The following TMEM131L variants were observed in gnomAD, a reference collection of about 807,000 sequenced individuals.
The protein encoded by TMEM131L is transmembrane protein 131-like.
Under a neutral mutation model 192.2 loss-of-function variants are expected in TMEM131L, and 54 were observed. The ratio of observed to expected loss-of-function variants is 0.28; its 90% CI spans 0.23 to 0.35. The LOEUF (loss-of-function observed/expected upper bound fraction) is 0.35, where lower values mean the gene tolerates loss of function less well. Among genes scored for constraint, TMEM131L ranks in the 10% least tolerant of loss-of-function variants. TMEM131L has a pLI of 1.00. For synonymous variants in TMEM131L, 701 were observed against 704.9 expected (o/e 0.99, Z 0.09); for missense variants, 1,888 against 1,972.9 (o/e 0.96, Z 0.82).
chr4:153,596,443 C>A, intron 20 of TMEM131L, 58 bp downstream of exon 20: 1 of 1,589,456 alleles, frequency 6.3e-7, no homozygotes, highest in East Asian at 2.3e-5. Context: ...CTGTGTAAAT[C>A]TCTTTAGCTG....
chr4:153,585,014 A>G (rs1730604973), intron 12 of TMEM131L, 83 bp downstream of exon 12: 2 of 1,088,194 alleles, frequency 1.8e-6, no homozygotes, highest in Non-Finnish European at 2.8e-6. Flanking sequence ...AAATATAGTG[A>G]TATGATTTGT....
chr4:153,541,515 C>T (rs982403588), intron 3 of TMEM131L, among the ~76,000 whole-genome samples: 1 of 152,138 alleles, frequency 6.6e-6, no homozygotes, highest in Admixed American at 6.5e-5. Flanking sequence ...AGCTGAGGGG[C>T]GTTGCAAGCA....
At chr4:153,573,578 T>A (rs994537027) in intron 7 of TMEM131L, among the ~76,000 whole-genome samples, 7 of 152,218 alleles carry the variant, frequency 4.6e-5, no homozygotes, top group Admixed American at 4.6e-4. Flanking sequence ...AAAACCAAGG[T>A]GTTGCCCAAC....
intron 3 of TMEM131L, 43 bp from the exon 4 acceptor site, chr4:153,550,030 T>TTTTAA (rs1182486511): frequency 3.0e-5 from 30 of 995,554 alleles, no homozygotes; most frequent in Non-Finnish European, 4.0e-5. Flanking sequence ...AGCATTTAAA[T>TTTTAA]GTTAAAACTA....
intron 3 of TMEM131L, among the ~76,000 whole-genome samples, chr4:153,509,716 C>T (rs1734225479): frequency 6.6e-6 from 1 of 152,110 alleles, no homozygotes; most frequent in African/African-American, 2.4e-5. Flanking sequence ...GACTCTGTCT[C>T]CAAAAACTCC....
rs1233841825 is a variant in TMEM131L at position 153,635,403 on chromosome 4, C to G, written c.4418-29C>G. 5 of 1,608,606 alleles carry G rather than the reference C, an allele frequency of 3.1e-6. No homozygotes were observed. In the South Asian group the frequency reaches 4.4e-5, roughly 14 times the overall value. On this transcript the variant is annotated intron_variant, in intron 33 of 34. Coordinates refer to ENST00000409959, the MANE Select transcript of TMEM131L (RefSeq NM_001131007.2). ...TTCAGTTCTCAATGAAAATGTTTACCTATGATGATATTCTCCCATTCTTTG... is the reference window on the plus strand; with the variant it reads ...TTCAGTTCTCAATGAAAATGTTTACGTATGATGATATTCTCCCATTCTTTG...
intron 20 of TMEM131L, among the ~76,000 whole-genome samples, chr4:153,597,428 C>T (rs7655793): frequency 0.27 from 41,542 of 151,936 alleles, 6,050 homozygotes; most frequent in Non-Finnish European, 0.34. Flanking sequence ...AATTTACTTT[C>T]GGTGGTTTCT....
chr4:153,583,363 C>CT (rs1730488525), intron 10 of TMEM131L, 115 bp downstream of exon 10: 1 of 788,508 alleles, frequency 1.3e-6, no homozygotes, highest in Non-Finnish European at 2.2e-6. Flanking sequence ...TTCTTTTTTG[C>CT]TTTAATTTAA....
intron 25 of TMEM131L, among the ~76,000 whole-genome samples, chr4:153,608,808 C>G (rs1455375250): frequency 6.6e-6 from 1 of 152,226 alleles, no homozygotes; most frequent in Non-Finnish European, 1.5e-5. Context: ...GAGGAGATCA[C>G]TTGTGTCTTG....
At chr4:153,480,245 A>G (rs1440933975) in intron 3 of TMEM131L, among the ~76,000 whole-genome samples, 1 of 152,232 alleles carries the variant, frequency 6.6e-6, no homozygotes, top group African/African-American at 2.4e-5. Context: ...AGGCTGAGGC[A>G]GGAGAATGGC....
chr4:153,602,529 C>G lies in TMEM131L; in HGVS notation c.2454-13C>G. The G allele has an allele frequency of 6.2e-7, 1 of 1,612,590 alleles. No homozygotes were observed. Among genetic ancestry groups the G allele is most frequent in the South Asian group, 1.1e-5 (1 of 90,854 alleles). ...CAATTAAAAGTTCATAAAGATGACTCTTTTATTTTCAGGTTCACTCCAGAC... is the reference window on the plus strand; with the variant it reads ...CAATTAAAAGTTCATAAAGATGACTGTTTTATTTTCAGGTTCACTCCAGAC... On this transcript the variant is annotated splice_polypyrimidine_tract_variant and intron_variant, in intron 22 of 34. Transcript: ENST00000409959.
chr4:153,479,402 G>A (rs1257140310), intron 3 of TMEM131L, among the ~76,000 whole-genome samples: 3 of 152,242 alleles, frequency 2.0e-5, no homozygotes, highest in South Asian at 2.1e-4. Context: ...GAGAAAGATC[G>A]TTTTTGGGAA....
intron 3 of TMEM131L, among the ~76,000 whole-genome samples, chr4:153,511,276 A>G (rs12171465): frequency 8.5e-5 from 13 of 152,232 alleles, no homozygotes; most frequent in Non-Finnish European, 1.5e-4. Context: ...TGTGGTACAT[A>G]TACACCGTGG....
chr4:153,617,468 C>T (rs1733060505), intron 26 of TMEM131L, among the ~76,000 whole-genome samples: 1 of 152,166 alleles, frequency 6.6e-6, no homozygotes, highest in Non-Finnish European at 1.5e-5. Flanking sequence ...CTTTCATTCT[C>T]CTCTGTGCGG....
rs115859976 is a variant in TMEM131L at position 153,521,844 on chromosome 4, G to A, written c.240-28229G>A. Among the ~76,000 whole-genome samples the A allele has an allele frequency of 3.6e-3, 494 of 137,124 alleles. 2 individuals are homozygous for A. The highest frequency in any genetic ancestry group is 0.013 in the African/African-American group (465 of 36,446). The allele number at this position is 137,124 out of a possible 152,430, so 90.0% of individuals were successfully genotyped here. A position where few individuals can be genotyped will look rare whatever the true frequency, so the allele number is the denominator to read the frequency against. On this transcript the variant is annotated intron_variant, in intron 3 of 34. Transcript: ENST00000409959. ...AATGTCTTCAAGATTTATCCATGTT[G>A]TTGCATGTGTTTTCTGTGTTTTTTT...
At chr4:153,529,721 A>G (rs531811925) in intron 3 of TMEM131L, among the ~76,000 whole-genome samples, 4 of 152,334 alleles carry the variant, frequency 2.6e-5, no homozygotes, top group African/African-American at 7.2e-5. Context: ...AATCCTTGTG[A>G]TAGGAATGAT....
intron 3 of TMEM131L, among the ~76,000 whole-genome samples, chr4:153,479,863 T>C (rs2405712): frequency 0.064 from 9,769 of 152,280 alleles, 656 homozygotes; most frequent in East Asian, 0.23. Flanking sequence ...GTGAAACATT[T>C]CAGAGCCCCC....
rs185132560 is a variant in TMEM131L, at chr4:153,549,666, G to A, written c.240-407G>A. Among the ~76,000 whole-genome samples the A allele has an allele frequency of 1.1e-4, 17 of 152,244 alleles. No individual in the cohort carries two copies. In the East Asian group the frequency reaches 3.3e-3, roughly 29 times the overall value. ...GTAGCCTCACCAGCTATGCGACACT[G>A]TCCTTGCCTTGTTATAAGAAGTCTT... On this transcript the variant is annotated intron_variant, in intron 3 of 34. Coordinates refer to ENST00000409959, the MANE Select transcript of TMEM131L (RefSeq NM_001131007.2).
intron 7 of TMEM131L, among the ~76,000 whole-genome samples, chr4:153,573,122 A>G (rs1247719280): frequency 6.6e-6 from 1 of 152,222 alleles, no homozygotes. Context: ...ATTTATGAGT[A>G]GTCTTGCCAT....
Sources: allele counts gnomAD v4.1 joint callset (sites outside exome capture counted in the v4.1 genomes callset), GRCh38; gene constraint gnomAD v4.1.1; transcripts MANE v1.5; gene names NCBI Gene and HGNC (gene_info 2026-07-23, HGNC 2026-07-21).